The following IFT81 variants were observed in gnomAD, a reference collection of about 807,000 sequenced individuals.
IFT81 encodes the protein intraflagellar transport 81, also known as intraflagellar transport protein 81 homolog.
Under a neutral mutation model 102.6 loss-of-function variants are expected in IFT81, and 72 were observed. The ratio of observed to expected loss-of-function variants is 0.70; its 90% CI spans 0.58 to 0.85. IFT81 has a LOEUF of 0.85. Ranked by LOEUF, IFT81 falls within the 40% of genes least tolerant of loss-of-function variation. The probability of loss-of-function intolerance (pLI) is 0.00; values close to 1 mark genes in which losing one functional copy is unlikely to be tolerated. For synonymous variants in IFT81, 237 were observed against 242.7 expected (o/e 0.98, Z 0.22); for missense variants, 723 against 787.3 (o/e 0.92, Z 0.98).
At chr12:110,168,186 A>G (rs1369186235) in intron 11 of IFT81, 2 of 152,566 alleles carry the variant, frequency 1.3e-5, no homozygotes, top group Admixed American at 6.5e-5. Context: ...TTTTACAGAT[A>G]AAGGATCTGA....
chr12:110,126,722 G>A (rs985895617), intron 1 of IFT81, among the ~76,000 whole-genome samples: 2 of 152,180 alleles, frequency 1.3e-5, no homozygotes, highest in African/African-American at 4.8e-5. Context: ...AATGGGGAGA[G>A]GTGGAGACCA....
At position 110,135,313 on chromosome 12, in the gene IFT81, T is replaced by A; in HGVS notation, c.586-14T>A. Reference sequence around the variant, plus strand: ...ACCTGACAGTAACATGTACTACTTATTCCCTTACTGTAGGTTGAGACAGCT... The same window carrying A: ...ACCTGACAGTAACATGTACTACTTAATCCCTTACTGTAGGTTGAGACAGCT... On this transcript the variant is annotated splice_polypyrimidine_tract_variant and intron_variant, in intron 6 of 18. Coordinates refer to ENST00000242591, the MANE Select transcript of IFT81 (RefSeq NM_014055.4). 1 of 1,528,384 alleles carries A rather than the reference T, an allele frequency of 6.5e-7. No homozygotes were observed. The highest frequency in any genetic ancestry group is 9.0e-7 in the Non-Finnish European group (1 of 1,113,676). 94.7% of individuals were successfully genotyped at this position (1,528,384 alleles called of 1,614,324 possible). A position where few individuals can be genotyped will look rare whatever the true frequency, so the allele number is the denominator to read the frequency against.
chr12:110,165,037 G>A (rs1896358623), intron 11 of IFT81, among the ~76,000 whole-genome samples: 1 of 151,838 alleles, frequency 6.6e-6, no homozygotes, highest in Admixed American at 6.6e-5. Flanking sequence ...CAGGTTATTA[G>A]CCTTTATTTT....
intron 8 of IFT81, among the ~76,000 whole-genome samples, chr12:110,142,753 C>T (rs1037986953): frequency 3.3e-5 from 5 of 151,656 alleles, no homozygotes; most frequent in African/African-American, 9.7e-5. Context: ...ATTACCTAGG[C>T]GTGGTGATGT....
intron 14 of IFT81, among the ~76,000 whole-genome samples, chr12:110,195,986 A>T (rs79499422): frequency 5.4e-4 from 82 of 152,262 alleles, no homozygotes; most frequent in African/African-American, 1.8e-3. Flanking sequence ...TCTATTTTCC[A>T]GTTGTTGAGT....
chr12:110,167,417 G>T (rs1006961360), intron 11 of IFT81, among the ~76,000 whole-genome samples: 1 of 152,174 alleles, frequency 6.6e-6, no homozygotes, highest in African/African-American at 2.4e-5. Flanking sequence ...AGTCAATCTT[G>T]ATTTCTTTCC....
In IFT81 at chr12:110,141,539, T is replaced by C. The variant is rs1338405616; in HGVS notation, c.782-1843T>C. ...ATTATGCTTTGGGCCAGATGTATTA[T>C]GCAATCTATTACACAGATTACTTAA... is the stretch of plus-strand genomic sequence containing the variant. On this transcript the variant is annotated intron_variant, in intron 8 of 18. Transcript: ENST00000242591. Among the ~76,000 whole-genome samples the C allele has an allele frequency of 3.9e-5, 6 of 152,344 alleles. No individual in the cohort carries two copies. The East Asian group carries it at 1.2e-3, about 29-fold the overall frequency.
intron 18 of IFT81, among the ~76,000 whole-genome samples, chr12:110,217,650 C>T (rs1282665013): frequency 6.6e-6 from 1 of 152,016 alleles, no homozygotes; most frequent in Non-Finnish European, 1.5e-5. Context: ...CAAACTCCGC[C>T]TCCCAGGTTC....
intron 14 of IFT81, among the ~76,000 whole-genome samples, chr12:110,201,457 G>A (rs531095852): frequency 6.6e-6 from 1 of 151,420 alleles, no homozygotes; most frequent in African/African-American, 2.4e-5. Flanking sequence ...TTGAGACAGG[G>A]TCTTGCTCTT....
chr12:110,159,876 A>C (rs1457198694), intron 10 of IFT81, among the ~76,000 whole-genome samples: 1 of 152,156 alleles, frequency 6.6e-6, no homozygotes, highest in Non-Finnish European at 1.5e-5. Flanking sequence ...CTAAGGGTTG[A>C]AATTGATTGA....
At chr12:110,164,966 G>A (rs992008223) in intron 11 of IFT81, among the ~76,000 whole-genome samples, 1 of 152,026 alleles carries the variant, frequency 6.6e-6, no homozygotes, top group Admixed American at 6.6e-5. Flanking sequence ...GGCATAAATA[G>A]TACTTACAAT....
At chr12:110,210,244 T>C (rs1028389077) in intron 18 of IFT81, among the ~76,000 whole-genome samples, 5 of 152,220 alleles carry the variant, frequency 3.3e-5, no homozygotes, top group African/African-American at 1.2e-4. Flanking sequence ...AAACAAGCCC[T>C]CTAATCACTT....
chr12:110,155,367 A>G (rs1383088245), intron 10 of IFT81, among the ~76,000 whole-genome samples: 1 of 151,998 alleles, frequency 6.6e-6, no homozygotes, highest in Admixed American at 6.6e-5. Flanking sequence ...CTGGAGTACA[A>G]TGGCGCGATC....
At chr12:110,193,046 C>T (rs923708504) in intron 14 of IFT81, among the ~76,000 whole-genome samples, 3 of 151,934 alleles carry the variant, frequency 2.0e-5, no homozygotes, top group Admixed American at 6.6e-5. Context: ...ACCTGTAGCC[C>T]CAGATTCTCG....
chr12:110,184,210 C>T lies in IFT81; in HGVS notation c.1338+3639C>T, dbSNP rs369867451. ...CTAAAAATGCAAAAAATTATCCGGG[C>T]GTGGTGGCGGGCACCTGTAGTCCCA... On this transcript the variant is annotated intron_variant, in intron 12 of 18. Transcript: ENST00000242591. 4.1e-4 allele frequency among the ~76,000 whole-genome samples: 63 copies of T among 152,106 alleles called. 1 individual carries two copies. Among genetic ancestry groups the T allele is most frequent in the African/African-American group, 1.2e-3 (50 of 41,490 alleles).
At chr12:110,209,605 T>C (rs1325151044) in intron 18 of IFT81, among the ~76,000 whole-genome samples, 3 of 151,740 alleles carry the variant, frequency 2.0e-5, no homozygotes, top group Admixed American at 6.6e-5. Context: ...CCCGTCTCTA[T>C]GAAAAATACA....
intron 9 of IFT81, among the ~76,000 whole-genome samples, chr12:110,143,818 T>C (rs1383916520): frequency 2.6e-5 from 4 of 152,182 alleles, no homozygotes; most frequent in Admixed American, 2.0e-4. Flanking sequence ...GACCAGTGGG[T>C]TTATGTCTTC....
At position 110,205,383 on chromosome 12, in the gene IFT81, C is replaced by T. The variant is rs965338595; in HGVS notation, c.1645-60C>T. ...TCCTTTGTTGTACATCTAAAGTCAT[C>T]GTCGCCATATCTGTCTCATTCTTTC... On this transcript the variant is annotated intron_variant, in intron 15 of 18. Coordinates refer to ENST00000242591, the MANE Select transcript of IFT81 (RefSeq NM_014055.4). 6.1e-5 allele frequency: 92 copies of T among 1,506,546 alleles called. 1 individual carries two copies. In the South Asian group the frequency reaches 6.7e-4, roughly 11 times the overall value. 93.3% of individuals were successfully genotyped at this position (1,506,546 alleles called of 1,614,324 possible).
intron 12 of IFT81, among the ~76,000 whole-genome samples, chr12:110,188,720 C>G (rs1027972925): frequency 6.7e-6 from 1 of 149,672 alleles, no homozygotes; most frequent in African/African-American, 2.5e-5. Context: ...GTCAGGAGAT[C>G]AAGACCATCC....
Sources: gnomAD v4.1 joint callset for allele counts (sites outside exome capture counted in the v4.1 genomes callset) on GRCh38, gnomAD v4.1.1 for gene constraint, MANE v1.5 for transcripts, NCBI Gene and HGNC (gene_info 2026-07-23, HGNC 2026-07-21) for gene names.